PANK1: variants seen among roughly 807,000 people sequenced by gnomAD.
PANK1 encodes pantothenic acid kinase 1.
A neutral mutation model predicts 40.1 loss-of-function variants in PANK1; 18 were observed. The observed-to-expected ratio is 0.45, with a 90% CI of 0.31 to 0.67. The LOEUF (loss-of-function observed/expected upper bound fraction) is 0.67. Among genes scored for constraint, PANK1 ranks in the 30% least tolerant of loss-of-function variants. The probability of loss-of-function intolerance (pLI) is 0.06; values close to 1 mark genes in which losing one functional copy is unlikely to be tolerated. For synonymous variants in PANK1, 242 were observed against 237.7 expected (o/e 1.02, Z -0.17); for missense variants, 457 against 599.6 (o/e 0.76, Z 2.48).
At chr10:89,636,537 C>T (rs183410056) in intron 1 of PANK1, among the ~76,000 whole-genome samples, 1,617 of 152,096 alleles carry the variant, frequency 0.011, 28 homozygotes, top group African/African-American at 0.037. Flanking sequence ...CTGCAACCTC[C>T]ACCTCGTGGG....
At chr10:89,603,260 C>T (rs1844841822) in intron 2 of PANK1, among the ~76,000 whole-genome samples, 2 of 152,192 alleles carry the variant, frequency 1.3e-5, no homozygotes, top group South Asian at 4.1e-4. Flanking sequence ...TCAATAAACA[C>T]ATAATTGGGA....
intron 1 of PANK1, 120 bp from the exon 2 acceptor site, chr10:89,612,168 T>A: frequency 2.4e-6 from 2 of 836,806 alleles, no homozygotes; most frequent in South Asian, 1.8e-5. Context: ...TAACATTCAA[T>A]TTATTTGAAT....
chr10:89,593,339 C>T lies in PANK1; in HGVS notation c.1077-19G>A, dbSNP rs779081120. 1.9e-5 allele frequency: 30 copies of T among 1,611,734 alleles called. No individual in the cohort carries two copies. The highest frequency in any genetic ancestry group is 7.7e-5 in the South Asian group (7 of 90,772). ...GCCAAAGCTATGTTGGAAATATCAGCGAGAGTGTTCAAAATCGTCCTCAGG... is the reference window on the plus strand; with the variant it reads ...GCCAAAGCTATGTTGGAAATATCAGTGAGAGTGTTCAAAATCGTCCTCAGG... On this transcript the variant is annotated intron_variant, in intron 4 of 6. Transcript: ENST00000307534.
Position 89,588,789 on chromosome 10 carries a change from A to G in PANK1, c.1201-12T>C, listed in dbSNP as rs199515684. The stretch of plus-strand genomic sequence containing the variant: ...ACTCTGTCTATGTTCTGGAAAAAAT[A>G]TTAAAGAAAACAATTGAATCATGGC... On this transcript the variant is annotated splice_polypyrimidine_tract_variant and intron_variant, in intron 5 of 6. Transcript: ENST00000307534. 2,114 of 1,562,532 alleles carry G rather than the reference A, an allele frequency of 1.4e-3. 8 individuals are homozygous for G. The highest frequency in any genetic ancestry group is 1.7e-3 in the Non-Finnish European group (1,979 of 1,156,222).
chr10:89,585,411 C>G (rs1193613811), intron 6 of PANK1, among the ~76,000 whole-genome samples: 1 of 152,150 alleles, frequency 6.6e-6, no homozygotes, highest in African/African-American at 2.4e-5. Context: ...AGGCAGGAGG[C>G]TCCATTCTTC....
At chr10:89,590,547 A>G (rs1844351135) in intron 5 of PANK1, among the ~76,000 whole-genome samples, 1 of 152,158 alleles carries the variant, frequency 6.6e-6, no homozygotes, top group African/African-American at 2.4e-5. Context: ...CCTTCTAGGA[A>G]TTTATCCTAT....
At chr10:89,601,308 T>TAA (rs1844777093) in intron 2 of PANK1, among the ~76,000 whole-genome samples, 1 of 89,500 alleles carries the variant, frequency 1.1e-5, no homozygotes, top group Non-Finnish European at 2.1e-5. Flanking sequence ...GACCCATCTC[T>TAA]TAAAAAAAAA....
intron 2 of PANK1, among the ~76,000 whole-genome samples, chr10:89,602,252 G>A (rs1564623263): frequency 1.3e-5 from 2 of 152,060 alleles, no homozygotes; most frequent in East Asian, 1.9e-4. Flanking sequence ...ATCTACGTAC[G>A]TACTAGAAAA....
rs767219945 is a variant in PANK1 at position 89,644,854 on chromosome 10, G to C, written c.38C>G (p.Pro13Arg). ...DRSGQQERSV[P>R]HSPGAPVGTS... The stretch of plus-strand genomic sequence containing the variant: ...GCCCACGGGGGCCCCTGGAGAGTGC[G>C]GGACCGAGCGCTCCTGCTGCCCGCT... Residue 13 changes from proline (P) to arginine (R), a missense_variant, in exon 1 of 7, where the codon CCG (proline) becomes CGG (arginine). Physicochemically the swap from Pro to Arg is moderately radical, Grantham distance 103 (BLOSUM62 -2). Coordinates refer to ENST00000307534, the MANE Select transcript of PANK1 (RefSeq NM_148977.3). 28 of 1,473,052 alleles carry C rather than the reference G, an allele frequency of 1.9e-5. No individual in the cohort carries two copies. The highest frequency in any genetic ancestry group is 2.1e-5 in the Non-Finnish European group (24 of 1,118,690). 91.2% of individuals were successfully genotyped at this position (1,473,052 alleles called of 1,614,324 possible).
At chr10:89,637,869 AC>A (rs1564639430) in intron 1 of PANK1, among the ~76,000 whole-genome samples, 1 of 152,146 alleles carries the variant, frequency 6.6e-6, no homozygotes. Flanking sequence ...GTATAGGTGT[AC>A]AAAAATATTT....
At position 89,593,945 on chromosome 10, in the gene PANK1, C is replaced by G; in HGVS notation, c.944G>C (p.Gly315Ala). ...CAGAGCTTCTTCAAAGGTCTCACAA[C>G]CAGTCAGCAAGCAACATAGGCCTAG... Reference protein sequence around the residue: ...TFLGLCCLLTGCETFEEALEM... With the variant: ...TFLGLCCLLTACETFEEALEM... The change falls in exon 4 of 7, where the codon GGT (glycine) becomes GCT (alanine). Residue 315 changes from glycine (G) to alanine (A), a missense_variant. By Grantham distance (60) the Gly-to-Ala change is moderately conservative (BLOSUM62 0). Coordinates refer to ENST00000307534, the MANE Select transcript of PANK1 (RefSeq NM_148977.3). The G allele has an allele frequency of 6.2e-7, 1 of 1,613,740 alleles. No homozygotes were observed. Among genetic ancestry groups the G allele is most frequent in the Non-Finnish European group, 8.5e-7 (1 of 1,179,782 alleles).
chr10:89,595,690 C>T (rs553832640), intron 3 of PANK1, among the ~76,000 whole-genome samples: 10 of 146,414 alleles, frequency 6.8e-5, no homozygotes, highest in Non-Finnish European at 1.2e-4. Context: ...CTTGGTGGCA[C>T]GCGCCTGTAA....
intron 1 of PANK1, chr10:89,643,734 C>G (rs938892323): frequency 1.6e-5 from 26 of 1,613,568 alleles, no homozygotes; most frequent in Non-Finnish European, 2.1e-5. Flanking sequence ...TTAAAGACAC[C>G]CACAAAGAAG....
intron 1 of PANK1, among the ~76,000 whole-genome samples, chr10:89,642,343 C>T (rs1175587346): frequency 6.6e-6 from 1 of 152,208 alleles, no homozygotes; most frequent in Non-Finnish European, 1.5e-5. Flanking sequence ...ACATGCATTC[C>T]AGGTGCATTT....
chr10:89,616,642 G>C (rs1001947487), intron 1 of PANK1, among the ~76,000 whole-genome samples: 2 of 151,948 alleles, frequency 1.3e-5, no homozygotes, highest in Non-Finnish European at 2.9e-5. Flanking sequence ...AAAAAAAAAA[G>C]ACAGGCGCGG....
intron 2 of PANK1, among the ~76,000 whole-genome samples, chr10:89,605,394 CT>C (rs1255425481): frequency 6.6e-6 from 1 of 152,236 alleles, no homozygotes; most frequent in Non-Finnish European, 1.5e-5. Context: ...TCTGCCACTG[CT>C]TTATCAACTA....
At chr10:89,630,970 T>G (rs1841624230) in intron 1 of PANK1, among the ~76,000 whole-genome samples, 2 of 152,200 alleles carry the variant, frequency 1.3e-5, no homozygotes, top group African/African-American at 4.8e-5. Flanking sequence ...AGTTGGAGAT[T>G]AGCCTGGGGA....
intron 2 of PANK1, among the ~76,000 whole-genome samples, chr10:89,603,459 A>G (rs2133948801): frequency 6.6e-6 from 1 of 152,314 alleles, no homozygotes; most frequent in South Asian, 2.1e-4. Context: ...AACTCTGTAA[A>G]TAATGGAAGC....
At chr10:89,640,719 C>T (rs1446380579) in intron 1 of PANK1, among the ~76,000 whole-genome samples, 2 of 152,218 alleles carry the variant, frequency 1.3e-5, no homozygotes, top group African/African-American at 4.8e-5. Flanking sequence ...CTATCCCACA[C>T]AGACAAAACA....
Sources: gnomAD v4.1 joint callset for allele counts (sites outside exome capture counted in the v4.1 genomes callset) on GRCh38, gnomAD v4.1.1 for gene constraint, MANE v1.5 for transcripts, NCBI Gene and HGNC (gene_info 2026-07-23, HGNC 2026-07-21) for gene names.